TRIM64C: variants seen among roughly 807,000 people sequenced by gnomAD.
TRIM64C encodes tripartite motif-containing protein 64C.
Under a neutral mutation model 36.1 loss-of-function variants are expected in TRIM64C, and 25 were observed. The ratio of observed to expected loss-of-function variants is 0.69; its 90% CI spans 0.51 to 0.97. The LOEUF is 0.97. TRIM64C is among the 50% of genes least tolerant of loss of function. The pLI is 0.00. For missense variants in TRIM64C, 489 were observed against 536.8 expected (o/e 0.91, Z 0.88); for synonymous variants, 212 against 185.7 (o/e 1.14, Z -1.15).
intron 4 of TRIM64C, among the ~76,000 whole-genome samples, chr11:49,055,939 C>A (rs1854807446): frequency 1.3e-5 from 2 of 152,032 alleles, no homozygotes; most frequent in South Asian, 4.2e-4. Context: ...GGTGATGGAG[C>A]AAGCCCGGGT....
chr11:49,057,124 T>A, intron 3 of TRIM64C, 24 bp downstream of exon 3: 1 of 1,549,098 alleles, frequency 6.5e-7, no homozygotes, highest in Non-Finnish European at 8.7e-7. Context: ...TTCCTGTCTC[T>A]GAGGATGGAC....
chr11:49,057,313 A>C lies in TRIM64C; in HGVS notation c.573T>G (p.Asp191Glu). 1 of 1,549,706 alleles carries C rather than the reference A, an allele frequency of 6.5e-7. No individual in the cohort carries two copies. The highest frequency in any genetic ancestry group is 8.7e-7 in the Non-Finnish European group (1 of 1,146,952). The change falls in exon 3 of 6, where the codon GAT becomes GAG. Residue 191 changes from aspartate to glutamate, a missense_variant. Coordinates refer to ENST00000617704, the MANE Select transcript of TRIM64C (RefSeq NM_001206631.1). ...IQYQKMHIFL[D>E]EEEQRHLQAL... is the part of the protein sequence containing the mutation. ...CCTGCAGATGCCGTTGCTCCTCCTC[A>C]TCGAGAAATATATGCATCTTTTGAT...
At position 49,054,256 on chromosome 11, in the gene TRIM64C, C is replaced by A. The variant is rs762318416; in HGVS notation, c.860-49G>T. ...TAGTGAGTGCTATGAGGGACAGAGGCTCTGTGGCCCAATTATTCACTTCAT... is the reference window on the plus strand; with the variant it reads ...TAGTGAGTGCTATGAGGGACAGAGGATCTGTGGCCCAATTATTCACTTCAT... On this transcript the variant is annotated intron_variant, in intron 5 of 5. Transcript: ENST00000617704. 7 of 1,510,572 alleles carry A rather than the reference C, an allele frequency of 4.6e-6. No homozygotes were observed. In the Middle Eastern group the frequency reaches 1.1e-3, roughly 233 times the overall value. 93.6% of individuals were successfully genotyped at this position (1,510,572 alleles called of 1,614,324 possible). A position where few individuals can be genotyped will look rare whatever the true frequency, so the allele number is the denominator to read the frequency against.
chr11:49,056,196 T>C (rs1176808530), intron 4 of TRIM64C, among the ~76,000 whole-genome samples, 163 bp downstream of exon 4: 1 of 151,750 alleles, frequency 6.6e-6, no homozygotes, highest in African/African-American at 2.4e-5. Flanking sequence ...AATTTTAAGA[T>C]GGAAACTTTC....
In TRIM64C at chr11:49,057,388, C is replaced by CA; in HGVS notation, c.508-11_508-10insT. ...TTAATGACACATAGTCCTGCAGAGA[C>CA]GTTTGGTTAAAAGGATTACATGTTC... is the stretch of plus-strand genomic sequence containing the variant. On this transcript the variant is annotated splice_polypyrimidine_tract_variant and intron_variant, in intron 2 of 5. Coordinates refer to ENST00000617704, the MANE Select transcript of TRIM64C (RefSeq NM_001206631.1). 6.5e-7 allele frequency: 1 copy of CA among 1,549,140 alleles called. No individual in the cohort carries two copies. The highest frequency in any genetic ancestry group is 8.7e-7 in the Non-Finnish European group (1 of 1,146,568).
At chr11:49,054,295 A>G (rs1444027882) in intron 5 of TRIM64C, 88 bp from the exon 6 acceptor site, 3 of 1,433,582 alleles carry the variant, frequency 2.1e-6, no homozygotes, top group South Asian at 3.0e-5. Context: ...CTCTTCTTCC[A>G]AGGAAATACA....
intron 2 of TRIM64C, 29 bp from the exon 3 acceptor site, chr11:49,057,407 C>CATG (rs1565098314): frequency 6.5e-7 from 1 of 1,543,854 alleles, no homozygotes; most frequent in East Asian, 2.4e-5. Context: ...AAAAGGATTA[C>CATG]ATGTTCTCAC....
Position 49,058,125 on chromosome 11 carries a change from T to C in TRIM64C, c.460A>G (p.Thr154Ala), listed in dbSNP as rs1449618805. 1 of 1,529,464 alleles carries C rather than the reference T, an allele frequency of 6.5e-7. No individual in the cohort carries two copies. The highest frequency in any genetic ancestry group is 1.4e-5 in the African/African-American group (1 of 72,212). The allele number at this position is 1,529,464 out of a possible 1,614,324, so 94.7% of individuals were successfully genotyped here. Residue 154 changes from threonine to alanine, a missense_variant, in exon 2 of 6, where the codon ACA becomes GCA. By Grantham distance (58) the Thr-to-Ala change is moderately conservative. Transcript: ENST00000617704. ...MDYLWKINQETQNNLNQETSK... is the reference protein window; with the variant it reads ...MDYLWKINQEAQNNLNQETSK... Reference sequence around the variant, plus strand: ...GTTTCCTGATTTAGATTGTTTTGTGTCTCTTGATTGATTTTCCATAAATAG... The same window carrying C: ...GTTTCCTGATTTAGATTGTTTTGTGCCTCTTGATTGATTTTCCATAAATAG...
chr11:49,053,742 C>A lies in TRIM64C; in HGVS notation c.1325G>T (p.Arg442Met). 1 of 1,550,444 alleles carries A rather than the reference C, an allele frequency of 6.4e-7. No homozygotes were observed. Among genetic ancestry groups the A allele is most frequent in the Middle Eastern group, 1.9e-4 (1 of 5,342 alleles). ...TGTACAACCAAAGCAAAAGAAAGGC[C>A]TCAGAGGGGAAGAGAAGGAGGAAGG... is the stretch of plus-strand genomic sequence containing the variant. ...FPPSSFSSPL[R>M]PFFCFGCT Residue 442 changes from arginine (R) to methionine (M), a missense_variant, in exon 6 of 6, where the codon AGG becomes ATG. Transcript: ENST00000617704.
chr11:49,057,321 A>G lies in TRIM64C; in HGVS notation c.565T>C (p.Phe189Leu), dbSNP rs1854825090. The G allele has an allele frequency of 6.5e-7, 1 of 1,549,636 alleles. No individual in the cohort carries two copies. Among genetic ancestry groups the G allele is most frequent in the African/African-American group, 1.4e-5 (1 of 72,572 alleles). ...ITIQYQKMHI[F>L]LDEEEQRHLQ... is the part of the protein sequence containing the mutation. ...TGCCGTTGCTCCTCCTCATCGAGAA[A>G]TATATGCATCTTTTGATACTGAATA... is the stretch of plus-strand genomic sequence containing the variant. Residue 189 changes from phenylalanine to leucine, a missense_variant, in exon 3 of 6, where the codon TTT becomes CTT. Transcript: ENST00000617704.
rs1854846004 is a variant in TRIM64C at position 49,058,786 on chromosome 11, C to A, written c.327G>T (p.Leu109Phe). The change falls in exon 1 of 6, where the codon TTG becomes TTT. Residue 109 changes from leucine to phenylalanine, a missense_variant. Transcript: ENST00000617704. ...KELFCEADKR[L>F]LCGPCSESPE... ...GTGACTCAGAGCAGGGCCCACAGAGCAATCTCTTGTCAGCCTCACAGAAGA... is the reference window on the plus strand; with the variant it reads ...GTGACTCAGAGCAGGGCCCACAGAGAAATCTCTTGTCAGCCTCACAGAAGA... 1 of 1,548,780 alleles carries A rather than the reference C, an allele frequency of 6.5e-7. No homozygotes were observed. The highest frequency in any genetic ancestry group is 1.4e-5 in the African/African-American group (1 of 72,600).
chr11:49,055,227 A>G, intron 5 of TRIM64C, 83 bp downstream of exon 5: 1 of 1,510,648 alleles, frequency 6.6e-7, no homozygotes, highest in African/African-American at 1.4e-5. Flanking sequence ...CAAAACTAAT[A>G]AAACGTAAAT....
chr11:49,058,234 T>TA lies in TRIM64C; in HGVS notation c.413-63dup, dbSNP rs373220069. ...ACAGTAGATCTTATCCCTTTATCAA[T>TA]AAAAAAAAGGCCGTAATTGAAAGAA... On this transcript the variant is annotated intron_variant, in intron 1 of 5. Transcript: ENST00000617704. The TA allele has an allele frequency of 1.9e-3, 2,145 of 1,124,356 alleles. 9 individuals are homozygous for TA. Among genetic ancestry groups the TA allele is most frequent in the Middle Eastern group, 6.3e-3 (21 of 3,334 alleles). The allele number at this position is 1,124,356 out of a possible 1,614,324, so 69.6% of individuals were successfully genotyped here. A position where few individuals can be genotyped will look rare whatever the true frequency, so the allele number is the denominator to read the frequency against.
chr11:49,056,556 C>T (rs1244145398), intron 3 of TRIM64C, among the ~76,000 whole-genome samples, 175 bp from the exon 4 acceptor site: 1 of 151,894 alleles, frequency 6.6e-6, no homozygotes, highest in African/African-American at 2.4e-5. Flanking sequence ...CAATGAAAAG[C>T]TTCATCAGTG....
At chr11:49,056,577 C>A (rs375489742) in intron 3 of TRIM64C, among the ~76,000 whole-genome samples, 196 bp from the exon 4 acceptor site, 4 of 151,818 alleles carry the variant, frequency 2.6e-5, no homozygotes, top group African/African-American at 9.7e-5. Context: ...GGCATTAAGA[C>A]GAAATGAGCT....
intron 2 of TRIM64C, 157 bp downstream of exon 2, chr11:49,057,921 T>C: frequency 1.8e-6 from 1 of 570,682 alleles, no homozygotes; most frequent in Non-Finnish European, 3.0e-6. Context: ...TTGTGTGGGC[T>C]TCTCTGTTTG....
Position 49,057,150 on chromosome 11 carries a change from G to T in TRIM64C, c.736C>A (p.Gln246Lys), listed in dbSNP as rs1854822975. 6.5e-7 allele frequency: 1 copy of T among 1,549,104 alleles called. No individual in the cohort carries two copies. The highest frequency in any genetic ancestry group is 1.2e-5 in the South Asian group (1 of 83,962). ...GAGGATGGACCCTCCCTCCTCACCTGGAGCAGCTCCACGTCAGGCATGTGG... is the reference window on the plus strand; with the variant it reads ...GAGGATGGACCCTCCCTCCTCACCTTGAGCAGCTCCACGTCAGGCATGTGG... ...TYHMPDVELLQDVGNISARTD... is the reference protein window; with the variant it reads ...TYHMPDVELLKDVGNISARTD... The change falls in exon 3 of 6, where the codon CAG becomes AAG. Residue 246 changes from glutamine (Q) to lysine (K), a missense_variant and splice_region_variant. Gln to Lys is a moderately conservative substitution (Grantham distance 53, BLOSUM62 1). Coordinates refer to ENST00000617704, the MANE Select transcript of TRIM64C (RefSeq NM_001206631.1).
chr11:49,053,843 C>A lies in TRIM64C; in HGVS notation c.1224G>T (p.Gly408=), dbSNP rs557370768. The A allele has an allele frequency of 3.5e-5, 55 of 1,551,634 alleles. No homozygotes were observed. The highest frequency in any genetic ancestry group is 4.7e-5 in the Non-Finnish European group (54 of 1,146,850). The change falls in exon 6 of 6, where the codon GGG becomes GGT. Residue 408 remains glycine (G), a synonymous_variant. Coordinates refer to ENST00000617704, the MANE Select transcript of TRIM64C (RefSeq NM_001206631.1). ...ATCCATTATCATAATCCAGAAACACCCCAACCCAACCCAGAGGCCTTTGCA... is the reference window on the plus strand; with the variant it reads ...ATCCATTATCATAATCCAGAAACACACCAACCCAACCCAGAGGCCTTTGCA... The part of the protein sequence containing the change: ...QYVQRPLGWV[G]VFLDYDNGSV...
chr11:49,055,531 T>C, intron 4 of TRIM64C, 124 bp from the exon 5 acceptor site: 1 of 1,311,966 alleles, frequency 7.6e-7, no homozygotes, highest in Non-Finnish European at 1.0e-6. Flanking sequence ...GTTAACTGGA[T>C]GTACATTTTA....
Sources: gnomAD v4.1 joint callset for allele counts (sites outside exome capture counted in the v4.1 genomes callset) on GRCh38, gnomAD v4.1.1 for gene constraint, MANE v1.5 for transcripts, NCBI Gene and HGNC (gene_info 2026-07-23, HGNC 2026-07-21) for gene names.